The following TERF2 variants were observed in gnomAD, a reference collection of about 807,000 sequenced individuals.
The protein encoded by TERF2 is telomeric repeat-binding factor 2.
TERF2 carries 16 observed loss-of-function variants against 56.1 expected under a neutral mutation model. That is an observed-to-expected ratio of 0.29 (90% CI 0.19 to 0.43). The LOEUF (loss-of-function observed/expected upper bound fraction) is 0.43, where lower values mean the gene tolerates loss of function less well. TERF2 is among the 20% of genes least tolerant of loss of function. The probability of loss-of-function intolerance (pLI) is 1.00; values close to 1 mark genes in which losing one functional copy is unlikely to be tolerated. For synonymous variants in TERF2, 296 were observed against 282.1 expected (o/e 1.05, Z -0.50); for missense variants, 547 against 712.9 (o/e 0.77, Z 2.65).
At chr16:69,378,223 TG>T (rs2142758674) in intron 3 of TERF2, among the ~76,000 whole-genome samples, 1 of 152,356 alleles carries the variant, frequency 6.6e-6, no homozygotes, top group Admixed American at 6.5e-5. Context: ...CTTGCATTCC[TG>T]GACTTTGGTT....
At chr16:69,383,202 C>T (rs2014068125) in intron 3 of TERF2, among the ~76,000 whole-genome samples, 2 of 152,166 alleles carry the variant, frequency 1.3e-5, no homozygotes, top group African/African-American at 4.8e-5. Context: ...AATCCGAAAT[C>T]TGAAATGCTC....
chr16:69,358,541 ATG>A (rs1357114856), intron 8 of TERF2, among the ~76,000 whole-genome samples: 14 of 152,370 alleles, frequency 9.2e-5, no homozygotes, highest in African/African-American at 3.4e-4. Flanking sequence ...TAGTGTGTGT[ATG>A]TATATATACA....
chr16:69,385,894 C>A lies in TERF2; in HGVS notation c.78G>T (p.Arg26Ser). ...VVRDPAASQP[R>S]KRPGREGGEG... is the part of the protein sequence containing the mutation. Reference sequence around the variant, plus strand: ...CCCCGCCCTCCCGGCCGGGCCGCTTCCTCGGCTGTGACGCCGCTGGGTCAC... The same window carrying A: ...CCCCGCCCTCCCGGCCGGGCCGCTTACTCGGCTGTGACGCCGCTGGGTCAC... The change falls in exon 1 of 10, where the codon AGG becomes AGT. Residue 26 changes from arginine to serine, a missense_variant. By Grantham distance (110) the Arg-to-Ser change is moderately radical (BLOSUM62 -1). Coordinates refer to ENST00000254942, the MANE Select transcript of TERF2 (RefSeq NM_005652.5). The A allele has an allele frequency of 1.4e-6, 2 of 1,379,338 alleles. No homozygotes were observed. Among genetic ancestry groups the A allele is most frequent in the Non-Finnish European group, 1.9e-6 (2 of 1,064,990 alleles). 85.4% of individuals were successfully genotyped at this position (1,379,338 alleles called of 1,614,324 possible).
chr16:69,381,084 C>G (rs1410699328), intron 3 of TERF2, among the ~76,000 whole-genome samples: 1 of 152,042 alleles, frequency 6.6e-6, no homozygotes, highest in Admixed American at 6.6e-5. Context: ...GGATTACAGG[C>G]GTGAGCCACC....
Position 69,356,517 on chromosome 16 carries a change from G to A in TERF2, c.*381C>T. ...AGCCCAGCTTCTGAAAGAAACAGCA[G>A]ATGCCAGGCGCGGTGGCTCATGCCT... On this transcript the variant is annotated 3_prime_UTR_variant, in exon 10 of 10. Transcript: ENST00000254942. 3.7e-6 allele frequency: 1 copy of A among 269,992 alleles called. No homozygotes were observed. The highest frequency in any genetic ancestry group is 1.1e-4 in the East Asian group (1 of 9,446). The allele number at this position is 269,992 out of a possible 1,614,324, so 16.7% of individuals were successfully genotyped here.
chr16:69,381,178 A>G (rs2013987269), intron 3 of TERF2, among the ~76,000 whole-genome samples: 1 of 152,206 alleles, frequency 6.6e-6, no homozygotes, highest in African/African-American at 2.4e-5. Context: ...GGAAGCTATC[A>G]AGCACATGAA....
At chr16:69,373,543 G>A (rs1187402667) in intron 3 of TERF2, among the ~76,000 whole-genome samples, 1 of 152,164 alleles carries the variant, frequency 6.6e-6, no homozygotes, top group East Asian at 1.9e-4. Context: ...AAGGCAAGCC[G>A]ACTGGGTGTG....
At chr16:69,368,292 G>T in intron 6 of TERF2, 84 bp downstream of exon 6, 2 of 1,294,934 alleles carry the variant, frequency 1.5e-6, no homozygotes, top group Non-Finnish European at 2.2e-6. Flanking sequence ...GTGCTGAGAG[G>T]AACTGATCCT....
intron 3 of TERF2, among the ~76,000 whole-genome samples, chr16:69,378,950 T>TGGG (rs138150878): frequency 0.02 from 2,835 of 141,248 alleles, 31 homozygotes; most frequent in Non-Finnish European, 0.024. Context: ...TAATTTCCTG[T>TGGG]GGGGGGGGGG....
chr16:69,384,069 T>C (rs1229118655), intron 3 of TERF2, among the ~76,000 whole-genome samples: 2 of 152,308 alleles, frequency 1.3e-5, no homozygotes, highest in Admixed American at 6.5e-5. Context: ...CTGTGCCGGA[T>C]TTCTATCATT....
intron 6 of TERF2, among the ~76,000 whole-genome samples, chr16:69,367,528 C>G (rs2013398049): frequency 6.6e-6 from 1 of 152,170 alleles, no homozygotes; most frequent in Admixed American, 6.5e-5. Context: ...GCTGGGATTA[C>G]AGGCGTGATC....
At position 69,374,706 on chromosome 16, in the gene TERF2, G is replaced by A. The variant is rs371502366; in HGVS notation, c.607-2351C>T. Among the ~76,000 whole-genome samples, 35 of 129,656 alleles carry A rather than the reference G, an allele frequency of 2.7e-4. No individual in the cohort carries two copies. In the East Asian group the frequency reaches 2.8e-3, roughly 10 times the overall value. The allele number at this position is 129,656 out of a possible 152,430, so 85.1% of individuals were successfully genotyped here. A position where few individuals can be genotyped will look rare whatever the true frequency, so the allele number is the denominator to read the frequency against. On this transcript the variant is annotated intron_variant, in intron 3 of 9. Transcript: ENST00000254942. ...AAAAGGGCCAGGCGCAGTGGCTCGC[G>A]CCTGTAATCCCAGCACTTTGGGAGG...
chr16:69,385,367 A>G, intron 2 of TERF2, 24 bp downstream of exon 2: 2 of 1,597,708 alleles, frequency 1.3e-6, no homozygotes, highest in Non-Finnish European at 1.7e-6. Flanking sequence ...GTAAGCCCAG[A>G]GAAGAACACA....
Position 69,385,738 on chromosome 16 carries a change from C to G in TERF2, c.234G>C (p.Gly78=). Reference sequence around the variant, plus strand: ...CCCCCGCGCCGCGCTCCGCCGGGCCCCCCAGCCCCGGCTCGTGGCGCCCCC... The same window carrying G: ...CCCCCGCGCCGCGCTCCGCCGGGCCGCCCAGCCCCGGCTCGTGGCGCCCCC... ...ARRGRHEPGL[G]GPAERGAGEA... is the part of the protein sequence containing the mutation. The change falls in exon 1 of 10, where the codon GGG becomes GGC. Residue 78 remains glycine, a synonymous_variant. Coordinates refer to ENST00000254942, the MANE Select transcript of TERF2 (RefSeq NM_005652.5). 6.6e-7 allele frequency: 1 copy of G among 1,513,752 alleles called. No individual in the cohort carries two copies. Among genetic ancestry groups the G allele is most frequent in the Non-Finnish European group, 8.8e-7 (1 of 1,135,668 alleles). 93.8% of individuals were successfully genotyped at this position (1,513,752 alleles called of 1,614,324 possible).
intron 7 of TERF2, among the ~76,000 whole-genome samples, chr16:69,363,212 T>C (rs2013209479): frequency 6.6e-6 from 1 of 152,184 alleles, no homozygotes; most frequent in Admixed American, 6.5e-5. Flanking sequence ...TATAGTTTGT[T>C]TTCTATGTGC....
intron 6 of TERF2, 58 bp from the exon 7 acceptor site, chr16:69,367,257 C>A: frequency 6.6e-7 from 1 of 1,520,518 alleles, no homozygotes; most frequent in South Asian, 1.3e-5. Context: ...CTCATCCAAA[C>A]AGCCACAACT....
chr16:69,357,915 C>G (rs1194265176), intron 8 of TERF2, among the ~76,000 whole-genome samples: 1 of 142,724 alleles, frequency 7.0e-6, no homozygotes, highest in Non-Finnish European at 1.5e-5. Context: ...GTGGCGCTAT[C>G]TCGGCTCACT....
At chr16:69,385,336 T>G in intron 2 of TERF2, 55 bp downstream of exon 2, 2 of 1,495,022 alleles carry the variant, frequency 1.3e-6, no homozygotes, top group Non-Finnish European at 1.9e-6. Flanking sequence ...GATATAAGTT[T>G]TAAAACAAAA....
Position 69,359,627 on chromosome 16 carries a change from A to ATTTT in TERF2, c.1426+1773_1426+1776dup, listed in dbSNP as rs564611021. Among the ~76,000 whole-genome samples, 310 of 72,586 alleles carry ATTTT rather than the reference A, an allele frequency of 4.3e-3. 94 individuals are homozygous for ATTTT. The highest frequency in any genetic ancestry group is 0.015 in the African/African-American group (245 of 16,134). The allele number at this position is 72,586 out of a possible 152,430, so 47.6% of individuals were successfully genotyped here. A position where few individuals can be genotyped will look rare whatever the true frequency, so the allele number is the denominator to read the frequency against. ...AATCTTCCTCTTACTATCATTCCCA[A>ATTTT]TTTTTTTTTTTTTTTTTTTTTTTTT... On this transcript the variant is annotated intron_variant, in intron 8 of 9. Coordinates refer to ENST00000254942, the MANE Select transcript of TERF2 (RefSeq NM_005652.5).
Sources: allele counts gnomAD v4.1 joint callset (sites outside exome capture counted in the v4.1 genomes callset), GRCh38; gene constraint gnomAD v4.1.1; transcripts MANE v1.5; gene names NCBI Gene and HGNC (gene_info 2026-07-23, HGNC 2026-07-21).